The following TRA2B variants were observed in gnomAD, a reference collection of about 807,000 sequenced individuals.
TRA2B encodes the protein transformer 2 beta homolog.
In TRA2B, 14 loss-of-function variants were observed where a neutral mutation model predicts 41.7. The ratio of observed to expected loss-of-function variants is 0.34; its 90% CI spans 0.22 to 0.53. TRA2B has a LOEUF of 0.53. Among genes scored for constraint, TRA2B ranks in the 20% least tolerant of loss-of-function variants. The pLI is 0.95. For synonymous variants in TRA2B, 130 were observed against 128.8 expected (o/e 1.01, Z -0.06); for missense variants, 167 against 396.8 (o/e 0.42, Z 4.92).
intron 1 of TRA2B, among the ~76,000 whole-genome samples, chr3:185,931,326 TAG>T (rs1325096848): frequency 2.0e-5 from 3 of 152,142 alleles, no homozygotes; most frequent in African/African-American, 7.2e-5. Flanking sequence ...AAAGTTTATC[TAG>T]AGAGGACAAC....
chr3:185,932,140 G>C (rs1744171991), intron 1 of TRA2B, among the ~76,000 whole-genome samples: 1 of 152,058 alleles, frequency 6.6e-6, no homozygotes, highest in African/African-American at 2.4e-5. Context: ...AGAACTATTA[G>C]TTACATTTCA....
intron 1 of TRA2B, among the ~76,000 whole-genome samples, chr3:185,933,183 T>G (rs1345862158): frequency 1.3e-5 from 2 of 152,148 alleles, no homozygotes; most frequent in African/African-American, 4.8e-5. Context: ...ACAGGGCACT[T>G]AGATGCAGAA....
At chr3:185,926,900 C>G in intron 1 of TRA2B, 166 bp from the exon 2 acceptor site, 1 of 756,702 alleles carries the variant, frequency 1.3e-6, no homozygotes, top group East Asian at 3.0e-5. Context: ...TTTCATTGCT[C>G]CAAATGACAT....
At chr3:185,936,280 G>A in intron 1 of TRA2B, 2 of 985,380 alleles carry the variant, frequency 2.0e-6, no homozygotes, top group Non-Finnish European at 2.4e-6. Context: ...AGATTCAACT[G>A]CCAATGATCA....
intron 1 of TRA2B, chr3:185,934,592 T>C: frequency 1.0e-6 from 1 of 984,960 alleles, no homozygotes; most frequent in Non-Finnish European, 1.2e-6. Flanking sequence ...AACAATTTCC[T>C]CCTATTTGAC....
chr3:185,935,092 A>G, intron 1 of TRA2B: 1 of 985,456 alleles, frequency 1.0e-6, no homozygotes, highest in Non-Finnish European at 1.2e-6. Context: ...TGGGCTCTAA[A>G]GATTACCCTG....
At chr3:185,917,911 A>G (rs139074578) in intron 8 of TRA2B, among the ~76,000 whole-genome samples, 186 bp from the exon 9 acceptor site, 155 of 152,326 alleles carry the variant, frequency 1.0e-3, no homozygotes, top group African/African-American at 3.4e-3. Context: ...ATCTTAAATA[A>G]CAGAAATTGC....
intron 4 of TRA2B, 30 bp downstream of exon 4, chr3:185,923,766 T>C: frequency 6.3e-7 from 1 of 1,578,538 alleles, no homozygotes; most frequent in Non-Finnish European, 8.6e-7. Context: ...ATAGAACTGA[T>C]GGTTTACAAA....
intron 1 of TRA2B, chr3:185,931,616 T>G (rs1744156714): frequency 1.5e-5 from 20 of 1,296,284 alleles, no homozygotes; most frequent in Non-Finnish European, 1.9e-5. Flanking sequence ...CTTCTTATCT[T>G]AACTTCATTT....
intron 1 of TRA2B, chr3:185,931,953 GA>G: frequency 1.2e-5 from 9 of 766,738 alleles, no homozygotes; most frequent in Non-Finnish European, 1.6e-5. Flanking sequence ...TGTTGATTTG[GA>G]TTAAAAAAAA....
chr3:185,919,328 A>G, intron 7 of TRA2B, 109 bp downstream of exon 7: 2 of 756,066 alleles, frequency 2.6e-6, no homozygotes, highest in Non-Finnish European at 4.2e-6. Context: ...AGCTTCAAAC[A>G]GTCTGATTTT....
chr3:185,936,176 T>C (rs998914710), intron 1 of TRA2B: 4 of 985,166 alleles, frequency 4.1e-6, no homozygotes, highest in South Asian at 9.4e-5. Context: ...TTTTGAAGAG[T>C]AGAAAGGTAC....
At chr3:185,923,121 A>G (rs1465060178) in intron 4 of TRA2B, 1 of 152,296 alleles carries the variant, frequency 6.6e-6, no homozygotes, top group Non-Finnish European at 1.5e-5. Context: ...CGTCTCTACT[A>G]AAAATACAAA....
intron 1 of TRA2B, chr3:185,931,481 C>A: frequency 1.1e-6 from 1 of 901,990 alleles, no homozygotes; most frequent in Non-Finnish European, 1.4e-6. Flanking sequence ...CCCTGGAAGG[C>A]ACTTCTTTAC....
intron 2 of TRA2B, 42 bp from the exon 3 acceptor site, chr3:185,925,668 T>C (rs1578478854): frequency 3.2e-6 from 5 of 1,571,302 alleles, no homozygotes; most frequent in African/African-American, 2.7e-5. Context: ...TGAAAACAAA[T>C]ATTGTCTTCT....
intron 1 of TRA2B, among the ~76,000 whole-genome samples, chr3:185,929,542 A>C (rs1744071877): frequency 6.6e-6 from 1 of 152,140 alleles, no homozygotes. Context: ...GAAATCAATC[A>C]AGCTCTCACA....
At position 185,917,012 on chromosome 3, in the gene TRA2B, CCCTTGTAACA is replaced by C. The variant is rs1456082929; in HGVS notation, c.*693_*702del. On this transcript the variant is annotated 3_prime_UTR_variant, in exon 9 of 9. Transcript: ENST00000453386. ...GATAACTAGTTGAAATACCATTATCCCCTTGTAACACCTTTAAGAAACAGCCTTTTAAGGC... is the reference window on the plus strand; with the variant it reads ...GATAACTAGTTGAAATACCATTATCCCCTTTAAGAAACAGCCTTTTAAGGC... 6.6e-6 allele frequency: 1 copy of C among 152,456 alleles called. No homozygotes were observed. The highest frequency in any genetic ancestry group is 1.5e-5 in the Non-Finnish European group (1 of 68,020). The allele number at this position is 152,456 out of a possible 1,614,324, so 9.4% of individuals were successfully genotyped here.
intron 1 of TRA2B, chr3:185,926,949 C>T: frequency 1.9e-6 from 1 of 530,238 alleles, no homozygotes; most frequent in Non-Finnish European, 3.2e-6. Context: ...CTTTTTGGAG[C>T]AGGGATAAGA....
chr3:185,918,947 C>A (rs1417518635), intron 7 of TRA2B, among the ~76,000 whole-genome samples: 1 of 152,140 alleles, frequency 6.6e-6, no homozygotes. Flanking sequence ...GTACTCCAGC[C>A]TAGGCAACAG....
Sources: gnomAD v4.1 joint callset for allele counts (sites outside exome capture counted in the v4.1 genomes callset) on GRCh38, gnomAD v4.1.1 for gene constraint, MANE v1.5 for transcripts, NCBI Gene and HGNC (gene_info 2026-07-23, HGNC 2026-07-21) for gene names.